The following GPC6 variants were observed in gnomAD, a reference collection of about 807,000 sequenced individuals.
GPC6 encodes the protein glypican-6.
GPC6 carries 14 observed loss-of-function variants against 55.2 expected under a neutral mutation model. The observed-to-expected ratio is 0.25, with a 90% confidence interval of 0.17 to 0.40. GPC6 has a LOEUF of 0.40. GPC6 is among the 10% of genes least tolerant of loss of function. The pLI, the probability that GPC6 is intolerant of heterozygous loss-of-function variation, is 1.00. For synonymous variants in GPC6, 278 were observed against 259.6 expected (o/e 1.07, Z -0.68); for missense variants, 641 against 708.5 (o/e 0.90, Z 1.08).
intron 1 of GPC6, among the ~76,000 whole-genome samples, chr13:93,375,016 G>A (rs1422486042): frequency 6.6e-6 from 1 of 152,168 alleles, no homozygotes; most frequent in African/African-American, 2.4e-5. Flanking sequence ...TCATTGATAA[G>A]CAGTCAGTTC....
chr13:93,897,525 A>G (rs774804005), intron 3 of GPC6, among the ~76,000 whole-genome samples: 6 of 152,144 alleles, frequency 3.9e-5, no homozygotes, highest in Non-Finnish European at 7.4e-5. Flanking sequence ...AAATGTAACT[A>G]CAGCATATAC....
In GPC6 at chr13:93,331,542, T is replaced by C. The variant is rs141174900; in HGVS notation, c.160+103926T>C. Among the ~76,000 whole-genome samples the C allele has an allele frequency of 7.5e-3, 1,146 of 152,322 alleles. 11 individuals are homozygous for C. The highest frequency in any genetic ancestry group is 0.026 in the African/African-American group (1,088 of 41,586). Reference sequence around the variant, plus strand: ...GCAAGTATATTTGTTTTTTATCTTATATAAGCATATGCATATCTGGAGAAT... The same window carrying C: ...GCAAGTATATTTGTTTTTTATCTTACATAAGCATATGCATATCTGGAGAAT... On this transcript the variant is annotated intron_variant, in intron 1 of 8. Coordinates refer to ENST00000377047, the MANE Select transcript of GPC6 (RefSeq NM_005708.5).
At chr13:94,158,661 A>C (rs943869443) in intron 4 of GPC6, among the ~76,000 whole-genome samples, 1 of 152,104 alleles carries the variant, frequency 6.6e-6, no homozygotes, top group Non-Finnish European at 1.5e-5. Context: ...TAAGAAGAAA[A>C]ATAAGACAGA....
chr13:94,041,161 A>T lies in GPC6; in HGVS notation c.877+13267A>T, dbSNP rs187128522. On this transcript the variant is annotated intron_variant, in intron 4 of 8. Coordinates refer to ENST00000377047, the MANE Select transcript of GPC6 (RefSeq NM_005708.5). ...TTAGAGTTACATCCGGACATTTATAAGATGCAGACATTGATAGCTTGGAAG... is the reference window on the plus strand; with the variant it reads ...TTAGAGTTACATCCGGACATTTATATGATGCAGACATTGATAGCTTGGAAG... 6.3e-4 allele frequency among the ~76,000 whole-genome samples: 96 copies of T among 151,996 alleles called. 2 individuals are homozygous for T. The East Asian group carries it at 0.017, about 27-fold the overall frequency.
chr13:94,389,369 AAGAATGATT>A (rs558688193), intron 7 of GPC6, among the ~76,000 whole-genome samples: 92 of 152,310 alleles, frequency 6.0e-4, no homozygotes, highest in African/African-American at 2.2e-3. Context: ...GAAGCTAGAA[AAGAATGATT>A]AGATAGGAGG....
At chr13:94,246,309 G>T (rs1321962200) in intron 4 of GPC6, among the ~76,000 whole-genome samples, 1 of 151,976 alleles carries the variant, frequency 6.6e-6, no homozygotes, top group African/African-American at 2.4e-5. Flanking sequence ...CAACCTGTAG[G>T]TTGTCTTTTC....
chr13:93,383,848 C>T (rs1279457874), intron 1 of GPC6, among the ~76,000 whole-genome samples: 2 of 151,970 alleles, frequency 1.3e-5, no homozygotes, highest in East Asian at 3.9e-4. Flanking sequence ...TTTATGTTTT[C>T]ACTCTTTCTG....
intron 3 of GPC6, among the ~76,000 whole-genome samples, chr13:93,892,599 A>G (rs957984751): frequency 6.6e-6 from 1 of 152,186 alleles, no homozygotes; most frequent in Non-Finnish European, 1.5e-5. Context: ...TGCAATCAAT[A>G]TTTTTTTGCA....
intron 1 of GPC6, among the ~76,000 whole-genome samples, chr13:93,275,359 A>G (rs1324716598): frequency 2.0e-5 from 3 of 152,190 alleles, no homozygotes; most frequent in Non-Finnish European, 4.4e-5. Flanking sequence ...ACGGAATTTT[A>G]TGAGGCATGG....
At chr13:93,568,482 G>A (rs1348566406) in intron 2 of GPC6, among the ~76,000 whole-genome samples, 1 of 152,128 alleles carries the variant, frequency 6.6e-6, no homozygotes, top group Non-Finnish European at 1.5e-5. Flanking sequence ...AGATGCTGAG[G>A]TAGAAGGGAA....
chr13:93,418,187 A>G lies in GPC6; in HGVS notation c.161-127076A>G, dbSNP rs560700284. 9.2e-5 allele frequency among the ~76,000 whole-genome samples: 14 copies of G among 151,948 alleles called. No individual in the cohort carries two copies. The East Asian group carries it at 2.3e-3, about 25-fold the overall frequency. On this transcript the variant is annotated intron_variant, in intron 1 of 8. Transcript: ENST00000377047. ...TTAAGTGTATATATTTGTAGAGTAC[A>G]TGAGATACTTCGATATAGGCATATA...
At chr13:93,573,441 C>T (rs1452661802) in intron 2 of GPC6, among the ~76,000 whole-genome samples, 1 of 151,878 alleles carries the variant, frequency 6.6e-6, no homozygotes, top group African/African-American at 2.4e-5. Flanking sequence ...ATCCAGTACT[C>T]CCCAAACCTG....
In GPC6 at chr13:93,561,404, G is replaced by GATATATAT. The variant is rs66957373; in HGVS notation, c.319+15998_319+16005dup. Among the ~76,000 whole-genome samples the GATATATAT allele has an allele frequency of 6.1e-4, 64 of 104,686 alleles. 4 individuals carry two copies. Among genetic ancestry groups the GATATATAT allele is most frequent in the African/African-American group, 1.6e-3 (38 of 24,122 alleles). The allele number at this position is 104,686 out of a possible 152,430, so 68.7% of individuals were successfully genotyped here. A position where few individuals can be genotyped will look rare whatever the true frequency, so the allele number is the denominator to read the frequency against. ...AATAATTGCATACTATATCCCTATCGATATATATATATATATATATATTTG... is the reference window on the plus strand; with the variant it reads ...AATAATTGCATACTATATCCCTATCGATATATATATATATATATATATATATATATTTG... On this transcript the variant is annotated intron_variant, in intron 2 of 8. Transcript: ENST00000377047.
At chr13:93,521,102 G>C (rs1233858427) in intron 1 of GPC6, among the ~76,000 whole-genome samples, 1 of 151,816 alleles carries the variant, frequency 6.6e-6, no homozygotes, top group Non-Finnish European at 1.5e-5. Flanking sequence ...TGAAATTTAA[G>C]GGAATATAAG....
intron 2 of GPC6, among the ~76,000 whole-genome samples, chr13:93,572,321 C>T (rs1285338288): frequency 6.6e-6 from 1 of 151,986 alleles, no homozygotes; most frequent in African/African-American, 2.4e-5. Context: ...ATATATGTAC[C>T]CTTTCACATC....
At chr13:93,968,979 C>T (rs1465989730) in intron 3 of GPC6, among the ~76,000 whole-genome samples, 2 of 152,092 alleles carry the variant, frequency 1.3e-5, no homozygotes, top group Non-Finnish European at 2.9e-5. Context: ...TTCTAGATTC[C>T]ACAAAGATCC....
intron 2 of GPC6, among the ~76,000 whole-genome samples, chr13:93,550,821 A>G (rs555672527): frequency 6.6e-6 from 1 of 152,274 alleles, no homozygotes; most frequent in African/African-American, 2.4e-5. Context: ...CTATTTGAAA[A>G]CATTCATTTA....
chr13:93,837,464 C>T lies in GPC6; in HGVS notation c.711+6919C>T, dbSNP rs572816870. 2.0e-5 allele frequency among the ~76,000 whole-genome samples: 3 copies of T among 152,204 alleles called. No individual in the cohort carries two copies. In the South Asian group the frequency reaches 6.2e-4, roughly 32 times the overall value. On this transcript the variant is annotated intron_variant, in intron 3 of 8. Coordinates refer to ENST00000377047, the MANE Select transcript of GPC6 (RefSeq NM_005708.5). The stretch of plus-strand genomic sequence containing the variant: ...ATGATAATCCAACCTTCATCTGACC[C>T]AAATGTTAACTCTTGTAAAAACAGA...
chr13:93,826,965 C>T (rs1462714508), intron 2 of GPC6, among the ~76,000 whole-genome samples: 2 of 152,152 alleles, frequency 1.3e-5, no homozygotes, highest in African/African-American at 4.8e-5. Context: ...GAGATCTCCC[C>T]TCTAGATGAA....
Sources: allele counts gnomAD v4.1 joint callset (sites outside exome capture counted in the v4.1 genomes callset), GRCh38; gene constraint gnomAD v4.1.1; transcripts MANE v1.5; gene names NCBI Gene and HGNC (gene_info 2026-07-23, HGNC 2026-07-21).